The following NUBPL variants were observed in gnomAD, a reference collection of about 807,000 sequenced individuals.
The protein encoded by NUBPL is iron-sulfur cluster transfer protein NUBPL.
NUBPL carries 31 observed loss-of-function variants against 45.7 expected under a neutral mutation model. The observed-to-expected ratio is 0.68, with a 90% CI of 0.51 to 0.92. The LOEUF is 0.92. Ranked by LOEUF, NUBPL falls within the 40% of genes least tolerant of loss-of-function variation. The pLI is 0.00. For synonymous variants in NUBPL, 144 were observed against 140.9 expected, an observed-to-expected ratio of 1.02 and a Z score of -0.15; for missense variants, 401 against 398.7, an observed-to-expected ratio of 1.01 and a Z score of -0.05.
chr14:31,752,125 G>A (rs990562681), intron 6 of NUBPL, among the ~76,000 whole-genome samples: 1 of 152,186 alleles, frequency 6.6e-6, no homozygotes, highest in African/African-American at 2.4e-5. Context: ...ACGCCCTGGA[G>A]ACATTCTCCC....
At chr14:31,624,317 A>C (rs1227715918) in intron 4 of NUBPL, among the ~76,000 whole-genome samples, 1 of 152,182 alleles carries the variant, frequency 6.6e-6, no homozygotes, top group South Asian at 2.1e-4. Flanking sequence ...ACATTTAAGA[A>C]ATGTATTCTT....
chr14:31,595,925 AAGAC>A (rs1159428738), intron 3 of NUBPL, among the ~76,000 whole-genome samples: 5 of 130,860 alleles, frequency 3.8e-5, no homozygotes, highest in Admixed American at 3.0e-4. Flanking sequence ...TTTTTTTTTT[AAGAC>A]AGAGTCTCAC....
intron 7 of NUBPL, among the ~76,000 whole-genome samples, chr14:31,806,771 A>G (rs993643713): frequency 1.3e-5 from 2 of 150,648 alleles, no homozygotes; most frequent in African/African-American, 5.0e-5. Context: ...TCCCTCTCCC[A>G]TCCCCCCACA....
chr14:31,572,413 A>G (rs2033611685), intron 3 of NUBPL, among the ~76,000 whole-genome samples: 1 of 152,138 alleles, frequency 6.6e-6, no homozygotes, highest in South Asian at 2.1e-4. Context: ...TTCTGGGATT[A>G]CCGGCGTGAG....
chr14:31,834,301 C>T (rs2040241373), intron 8 of NUBPL, among the ~76,000 whole-genome samples: 1 of 151,156 alleles, frequency 6.6e-6, no homozygotes, highest in Non-Finnish European at 1.5e-5. Context: ...CTGCCTCAGC[C>T]TCCTGAGTAG....
At chr14:31,633,219 G>A (rs1056882655) in intron 4 of NUBPL, among the ~76,000 whole-genome samples, 1 of 152,200 alleles carries the variant, frequency 6.6e-6, no homozygotes, top group Non-Finnish European at 1.5e-5. Context: ...CCTCTCTGCA[G>A]CAGTATCTTC....
intron 6 of NUBPL, among the ~76,000 whole-genome samples, chr14:31,731,929 G>A (rs565904019): frequency 1.3e-4 from 20 of 152,078 alleles, no homozygotes; most frequent in Middle Eastern, 3.4e-3. Context: ...GAGGCCGGAC[G>A]CGGTGGCTCA....
chr14:31,856,975 A>G (rs2184305), intron 10 of NUBPL, among the ~76,000 whole-genome samples: 29,475 of 152,164 alleles, frequency 0.19, 8,652 homozygotes, highest in African/African-American at 0.64. Flanking sequence ...CCACTAGGTC[A>G]TGCCCCAGTA....
chr14:31,731,698 C>G (rs1173013965), intron 6 of NUBPL, among the ~76,000 whole-genome samples: 1 of 152,158 alleles, frequency 6.6e-6, no homozygotes, highest in African/African-American at 2.4e-5. Flanking sequence ...CCCCTGTATT[C>G]TGAAAGCCTA....
At chr14:31,771,311 G>A (rs1213823634) in intron 6 of NUBPL, among the ~76,000 whole-genome samples, 2 of 151,770 alleles carry the variant, frequency 1.3e-5, no homozygotes, top group Admixed American at 1.3e-4. Flanking sequence ...AGAAATAAAC[G>A]TTCTTATAAT....
chr14:31,817,352 G>T (rs1014057489), intron 7 of NUBPL, among the ~76,000 whole-genome samples: 3 of 151,980 alleles, frequency 2.0e-5, no homozygotes, highest in African/African-American at 7.3e-5. Flanking sequence ...CCCTTGAGAA[G>T]AGCAACCCCA....
At chr14:31,619,173 T>G (rs1464841208) in intron 4 of NUBPL, among the ~76,000 whole-genome samples, 2 of 152,226 alleles carry the variant, frequency 1.3e-5, no homozygotes, top group Non-Finnish European at 2.9e-5. Flanking sequence ...TGAGCCTATG[T>G]GTGTCTTTGC....
Position 31,804,766 on chromosome 14 carries a change from A to T in NUBPL, c.607+16893A>T, listed in dbSNP as rs761733260. Reference sequence around the variant, plus strand: ...GATTGAAGCTGGAACCCTCCCTTACACCATATACAAAAATCAACTCAAGAT... The same window carrying T: ...GATTGAAGCTGGAACCCTCCCTTACTCCATATACAAAAATCAACTCAAGAT... On this transcript the variant is annotated intron_variant, in intron 7 of 10. Transcript: ENST00000281081. Among the ~76,000 whole-genome samples, 83 of 152,136 alleles carry T rather than the reference A, an allele frequency of 5.5e-4. 1 individual carries two copies. The highest frequency in any genetic ancestry group is 6.6e-4 in the Non-Finnish European group (45 of 68,036).
At chr14:31,710,421 G>A (rs1214140099) in intron 6 of NUBPL, among the ~76,000 whole-genome samples, 2 of 152,094 alleles carry the variant, frequency 1.3e-5, no homozygotes, top group Non-Finnish European at 2.9e-5. Flanking sequence ...GCTCACCAAC[G>A]CAGCAGCAGA....
intron 6 of NUBPL, among the ~76,000 whole-genome samples, chr14:31,696,910 G>A (rs188857906): frequency 6.6e-6 from 1 of 152,312 alleles, no homozygotes; most frequent in African/African-American, 2.4e-5. Flanking sequence ...GAAAAACGGA[G>A]TGTCTTGTCT....
At chr14:31,854,990 A>C (rs1344732178) in intron 10 of NUBPL, among the ~76,000 whole-genome samples, 1 of 152,236 alleles carries the variant, frequency 6.6e-6, no homozygotes, top group Non-Finnish European at 1.5e-5. Context: ...ATTAGAAGTC[A>C]AAGTTTGGAG....
intron 7 of NUBPL, among the ~76,000 whole-genome samples, chr14:31,795,173 C>T (rs1260340636): frequency 6.6e-6 from 1 of 151,032 alleles, no homozygotes; most frequent in Non-Finnish European, 1.5e-5. Flanking sequence ...TGTGATGCCT[C>T]CAGCTTTGTT....
chr14:31,751,771 AC>A (rs1324900958), intron 6 of NUBPL, among the ~76,000 whole-genome samples: 1 of 152,062 alleles, frequency 6.6e-6, no homozygotes, highest in African/African-American at 2.4e-5. Flanking sequence ...GGGGTTTCAA[AC>A]CCCATATTTT....
At chr14:31,625,514 C>T (rs1423097323) in intron 4 of NUBPL, among the ~76,000 whole-genome samples, 2 of 142,142 alleles carry the variant, frequency 1.4e-5, no homozygotes, top group African/African-American at 2.6e-5. Flanking sequence ...TTGCTCTTGT[C>T]GCCCAGGCTG....
Sources: allele counts gnomAD v4.1 joint callset (sites outside exome capture counted in the v4.1 genomes callset), GRCh38; gene constraint gnomAD v4.1.1; transcripts MANE v1.5; gene names NCBI Gene and HGNC (gene_info 2026-07-23, HGNC 2026-07-21).